Variants in MOB1B observed in about 807,000 individuals in gnomAD.
MOB1B encodes MOB kinase activator 1B, also known as MOB1 Mps One Binder homolog B.
A neutral mutation model predicts 24.4 loss-of-function variants in MOB1B; 19 were observed. That is an observed-to-expected ratio of 0.78 (90% CI 0.54 to 1.14). MOB1B has a LOEUF of 1.14. Among genes scored for constraint, MOB1B ranks in the 50% most tolerant of loss-of-function variants. MOB1B has a pLI of 0.00. For missense variants in MOB1B, 243 were observed against 259.6 expected (o/e 0.94, Z 0.44); for synonymous variants, 76 against 82.1 (o/e 0.93, Z 0.40).
At chr4:70,943,999 C>G (rs1369926781) in intron 1 of MOB1B, among the ~76,000 whole-genome samples, 1 of 151,600 alleles carries the variant, frequency 6.6e-6, no homozygotes, top group Non-Finnish European at 1.5e-5. Context: ...GGTTAGTTAA[C>G]ATCACAAACT....
intron 4 of MOB1B, among the ~76,000 whole-genome samples, chr4:70,977,677 A>G (rs917920599): frequency 2.6e-5 from 4 of 152,000 alleles, no homozygotes; most frequent in African/African-American, 9.7e-5. Context: ...TCCTGAATAC[A>G]GTATACTATT....
At chr4:70,965,296 CAAA>C (rs1175536577) in intron 2 of MOB1B, among the ~76,000 whole-genome samples, 19 of 36,208 alleles carry the variant, frequency 5.2e-4, no homozygotes, top group African/African-American at 1.4e-3. Context: ...GACTTCATCT[CAAA>C]AAAAAAAAAA....
chr4:70,902,353 GC>G, upstream of MOB1B: 1 of 684,476 alleles, frequency 1.5e-6, no homozygotes, highest in East Asian at 2.8e-5. Context: ...ACCCACTTCC[GC>G]CCCCTCCCCC....
chr4:70,959,400 A>G (rs1192889454), intron 2 of MOB1B, among the ~76,000 whole-genome samples: 2 of 152,112 alleles, frequency 1.3e-5, no homozygotes, highest in African/African-American at 4.8e-5. Context: ...TTTAGTAGAG[A>G]TGGAGTTCTC....
intron 1 of MOB1B, among the ~76,000 whole-genome samples, chr4:70,935,682 G>C (rs1359769882): frequency 6.6e-6 from 1 of 151,170 alleles, no homozygotes. Flanking sequence ...TTTTGAGACA[G>C]GGTCTTACTC....
chr4:70,910,268 T>C (rs951733021), intron 1 of MOB1B, among the ~76,000 whole-genome samples: 2 of 152,092 alleles, frequency 1.3e-5, no homozygotes, highest in African/African-American at 4.8e-5. Context: ...CTCGAACTCC[T>C]GGCCTCAAGC....
intron 1 of MOB1B, among the ~76,000 whole-genome samples, chr4:70,907,695 C>T (rs1735801872): frequency 6.6e-6 from 1 of 152,080 alleles, no homozygotes; most frequent in African/African-American, 2.4e-5. Flanking sequence ...TGTGGTGGCG[C>T]TCAGCTGCTT....
At chr4:70,947,348 C>T (rs1452818656) in intron 1 of MOB1B, among the ~76,000 whole-genome samples, 1 of 152,098 alleles carries the variant, frequency 6.6e-6, no homozygotes, top group Non-Finnish European at 1.5e-5. Flanking sequence ...CAGCCTACTA[C>T]AGCCTTGAAC....
chr4:70,916,234 A>G (rs901511366), intron 1 of MOB1B, among the ~76,000 whole-genome samples: 2 of 151,838 alleles, frequency 1.3e-5, no homozygotes, highest in African/African-American at 4.8e-5. Flanking sequence ...CCTTAGTATC[A>G]CTCTCAGTTA....
chr4:70,925,328 T>A (rs983668642), intron 1 of MOB1B, among the ~76,000 whole-genome samples: 1 of 152,204 alleles, frequency 6.6e-6, no homozygotes, highest in Admixed American at 6.5e-5. Flanking sequence ...TGAGCCACCA[T>A]GCCTGGTGAG....
chr4:70,962,604 A>AT (rs1392622541), intron 2 of MOB1B, among the ~76,000 whole-genome samples: 2 of 152,166 alleles, frequency 1.3e-5, no homozygotes, highest in Non-Finnish European at 2.9e-5. Context: ...GAAAAAAAAA[A>AT]CAGGAGAAAA....
rs1449172037 is a variant in MOB1B, at chr4:70,984,726, T to C, written c.*2669T>C. 2.0e-5 allele frequency: 3 copies of C among 151,788 alleles called. No homozygotes were observed. Among genetic ancestry groups the C allele is most frequent in the African/African-American group, 7.3e-5 (3 of 41,266 alleles). 9.4% of individuals were successfully genotyped at this position (151,788 alleles called of 1,614,324 possible). A position where few individuals can be genotyped will look rare whatever the true frequency, so the allele number is the denominator to read the frequency against. The stretch of plus-strand genomic sequence containing the variant: ...ATTACTTTAATTGATGGAGTAGTGG[T>C]GGTAGAGAGAAATTAATAACAAAAA... On this transcript the variant is annotated 3_prime_UTR_variant, in exon 6 of 6. Transcript: ENST00000309395.
At chr4:70,916,939 A>G (rs1736220177) in intron 1 of MOB1B, among the ~76,000 whole-genome samples, 1 of 152,224 alleles carries the variant, frequency 6.6e-6, no homozygotes, top group African/African-American at 2.4e-5. Context: ...AGCTGTTCAC[A>G]TACTTCTCTG....
intron 1 of MOB1B, among the ~76,000 whole-genome samples, chr4:70,929,708 C>G (rs557716395): frequency 6.7e-6 from 1 of 149,958 alleles, no homozygotes. Context: ...TGCAGTGGCG[C>G]GATCTTGGCT....
chr4:70,969,266 AAC>A (rs1404367088), intron 2 of MOB1B, among the ~76,000 whole-genome samples: 1 of 152,104 alleles, frequency 6.6e-6, no homozygotes, highest in Non-Finnish European at 1.5e-5. Context: ...GTGTAGCTGG[AAC>A]CACAGGCATG....
chr4:70,917,873 C>T (rs1248179276), intron 1 of MOB1B, among the ~76,000 whole-genome samples: 2 of 152,116 alleles, frequency 1.3e-5, no homozygotes, highest in East Asian at 3.8e-4. Flanking sequence ...TAAACAGTTT[C>T]AGTATCAGTT....
chr4:70,964,215 G>A (rs903020899), intron 2 of MOB1B, among the ~76,000 whole-genome samples: 2 of 152,140 alleles, frequency 1.3e-5, no homozygotes, highest in African/African-American at 2.4e-5. Flanking sequence ...GATAGAAAGT[G>A]CAGAAGAAAA....
intron 1 of MOB1B, among the ~76,000 whole-genome samples, chr4:70,904,027 C>T (rs543412184): frequency 1.7e-5 from 2 of 119,538 alleles, no homozygotes. Context: ...TGTCACCAGG[C>T]TGGAGTGTGT....
chr4:70,924,822 A>G (rs1442038374), intron 1 of MOB1B, among the ~76,000 whole-genome samples: 1 of 152,162 alleles, frequency 6.6e-6, no homozygotes, highest in Non-Finnish European at 1.5e-5. Context: ...ACATGAACTC[A>G]TCCTCTTTTA....
Sources: allele counts gnomAD v4.1 joint callset (sites outside exome capture counted in the v4.1 genomes callset), GRCh38; gene constraint gnomAD v4.1.1; transcripts MANE v1.5; gene names NCBI Gene and HGNC (gene_info 2026-07-23, HGNC 2026-07-21).